CYLC1: variants seen among roughly 807,000 people sequenced by gnomAD.
The protein encoded by CYLC1 is cylicin-1.
A neutral mutation model predicts 31.6 loss-of-function variants in CYLC1; 2 were observed. The ratio of observed to expected loss-of-function variants is 0.06; its 90% CI spans 0.03 to 0.20. The LOEUF (loss-of-function observed/expected upper bound fraction) is 0.20. CYLC1 is among the 10% of genes least tolerant of loss of function. The pLI is 1.00. For missense variants in CYLC1, 595 were observed against 424.1 expected (o/e 1.40, Z -3.54); for synonymous variants, 185 against 153.0 (o/e 1.21, Z -1.54).
At position 83,873,251 on chromosome X, in the gene CYLC1, T is replaced by G. The variant is rs1225664468; in HGVS notation, c.543T>G (p.Thr181=). 8.3e-7 allele frequency: 1 copy of G among 1,198,264 alleles called. No individual in the cohort carries two copies. Among genetic ancestry groups the G allele is most frequent in the East Asian group, 3.0e-5 (1 of 33,724 alleles). The change falls in exon 4 of 5, where the codon ACT becomes ACG. Residue 181 remains threonine (T), a synonymous_variant. Coordinates refer to ENST00000329312, the MANE Select transcript of CYLC1 (RefSeq NM_021118.3). ...QSKKSKSSSE[T]NPESQNSKTV... ...AGAAGTCAAAATCCAGTTCAGAAAC[T>G]AATCCAGAATCCCAAAATTCTAAGA...
intron 4 of CYLC1, among the ~76,000 whole-genome samples, chrX:83,885,646 G>A (rs950489796): frequency 9.2e-6 from 1 of 108,899 alleles, no homozygotes; most frequent in African/African-American, 3.3e-5. Context: ...TTTCCTCTGG[G>A]CCTATATGGG....
At chrX:83,880,608 T>C (rs2031894582) in intron 4 of CYLC1, among the ~76,000 whole-genome samples, 1 of 111,632 alleles carries the variant, frequency 9.0e-6, no homozygotes, top group African/African-American at 3.2e-5. Flanking sequence ...AAATATTAAG[T>C]GATTTCTTTC....
intron 4 of CYLC1, among the ~76,000 whole-genome samples, chrX:83,877,411 G>A (rs1180335520): frequency 4.5e-5 from 5 of 110,840 alleles, no homozygotes; most frequent in African/African-American, 1.6e-4. Context: ...ACCATGTCTG[G>A]CAGAATAAAA....
chrX:83,869,782 A>G (rs1416901007), intron 1 of CYLC1, 83 bp from the exon 2 acceptor site: 2 of 460,365 alleles, frequency 4.3e-6, no homozygotes, highest in East Asian at 1.4e-4. Flanking sequence ...TTAGAAATAA[A>G]GGATAGATTA....
In CYLC1 at chrX:83,873,239, C is replaced by T. The variant is rs899619640; in HGVS notation, c.531C>T (p.Ser177=). The change falls in exon 4 of 5, where the codon TCC becomes TCT. Residue 177 remains serine (S), a synonymous_variant. Coordinates refer to ENST00000329312, the MANE Select transcript of CYLC1 (RefSeq NM_021118.3). ...HENEQSKKSK[S]SSETNPESQN... ...ATGAACAATCCAAGAAGTCAAAATCCAGTTCAGAAACTAATCCAGAATCCC... is the reference window on the plus strand; with the variant it reads ...ATGAACAATCCAAGAAGTCAAAATCTAGTTCAGAAACTAATCCAGAATCCC... 1 of 1,197,576 alleles carries T rather than the reference C, an allele frequency of 8.4e-7. No individual in the cohort carries two copies. Among genetic ancestry groups the T allele is most frequent in the African/African-American group, 1.8e-5 (1 of 56,400 alleles).
In CYLC1 at chrX:83,874,378, A is replaced by G. The variant is rs763148141; in HGVS notation, c.1670A>G (p.Lys557Arg). 2.5e-6 allele frequency: 3 copies of G among 1,210,554 alleles called. No individual in the cohort carries two copies. Among genetic ancestry groups the G allele is most frequent in the Non-Finnish European group, 3.4e-6 (3 of 894,800 alleles). ...ESLYKPGAKK[K>R]IDESDGTSAN... The stretch of plus-strand genomic sequence containing the variant: ...CTATATAAACCTGGGGCTAAGAAGA[A>G]AATTGATGAATCAGATGGCACATCT... The change falls in exon 4 of 5, where the codon AAA (lysine) becomes AGA (arginine). Residue 557 changes from lysine to arginine, a missense_variant. By Grantham distance (26) the Lys-to-Arg change is conservative. Transcript: ENST00000329312.
At chrX:83,876,024 T>A (rs747326508) in intron 4 of CYLC1, among the ~76,000 whole-genome samples, 1 of 111,055 alleles carries the variant, frequency 9.0e-6, no homozygotes, top group African/African-American at 3.3e-5. Flanking sequence ...CTCAAGAAAT[T>A]TATATTTCCT....
At position 83,874,007 on chromosome X, in the gene CYLC1, T is replaced by C. The variant is rs142758217; in HGVS notation, c.1299T>C (p.Asn433=). The change falls in exon 4 of 5, where the codon AAT becomes AAC. Residue 433 remains asparagine (N), a synonymous_variant. Transcript: ENST00000329312. ...KKDKKDSKTD[N]KKSVKNDEES... ...ATAAAAAAGATTCAAAGACAGATAA[T>C]AAAAAGTCTGTCAAGAATGATGAAG... The C allele has an allele frequency of 1.6e-5, 19 of 1,185,692 alleles. No individual in the cohort carries two copies. The African/African-American group carries it at 3.3e-4, about 20-fold the overall frequency.
chrX:83,873,386 G>T lies in CYLC1; in HGVS notation c.678G>T (p.Arg226Ser). ...ACAATCCAAAGAAAGATTTGAAGAG[G>T]TCAAAGACTAGTAATGATCCCATAT... ...TKNNPKKDLK[R>S]SKTSNDPISE... Residue 226 changes from arginine (R) to serine (S), a missense_variant, in exon 4 of 5, where the codon AGG (arginine) becomes AGT (serine). Physicochemically the swap from Arg to Ser is moderately radical, Grantham distance 110. Coordinates refer to ENST00000329312, the MANE Select transcript of CYLC1 (RefSeq NM_021118.3). 8.3e-7 allele frequency: 1 copy of T among 1,203,934 alleles called. No individual in the cohort carries two copies. The highest frequency in any genetic ancestry group is 1.1e-6 in the Non-Finnish European group (1 of 890,608).
rs140430565 is a variant in CYLC1 at position 83,862,223 on chromosome X, A to G, written c.17+1024A>G. 5.1e-3 allele frequency among the ~76,000 whole-genome samples: 566 copies of G among 111,328 alleles called. 6 individuals carry two copies. Among genetic ancestry groups the G allele is most frequent in the African/African-American group, 0.017 (537 of 30,689 alleles). ...ATTACTTTTAGAAAATGAAAATTCAATAAGTTTGAAAGAAAGAAAAAGAGT... is the reference window on the plus strand; with the variant it reads ...ATTACTTTTAGAAAATGAAAATTCAGTAAGTTTGAAAGAAAGAAAAAGAGT... On this transcript the variant is annotated intron_variant, in intron 1 of 4. Coordinates refer to ENST00000329312, the MANE Select transcript of CYLC1 (RefSeq NM_021118.3).
rs775109040 is a variant in CYLC1, at chrX:83,861,167, C to T, written c.-16C>T. On this transcript the variant is annotated 5_prime_UTR_variant, in exon 1 of 5. It adds an upstream start codon to the 5' untranslated region. Coordinates refer to ENST00000329312, the MANE Select transcript of CYLC1 (RefSeq NM_021118.3). Reference sequence around the variant, plus strand: ...ACTTACTATGCTCAAGTCCAGGCAACGTACAGGCAGGGGAAATGTCTCTTC... The same window carrying T: ...ACTTACTATGCTCAAGTCCAGGCAATGTACAGGCAGGGGAAATGTCTCTTC... 1.2e-4 allele frequency: 140 copies of T among 1,196,824 alleles called. No homozygotes were observed. Among genetic ancestry groups the T allele is most frequent in the South Asian group, 1.6e-4 (9 of 54,910 alleles).
Position 83,873,963 on chromosome X carries a change from C to A in CYLC1, c.1255C>A (p.Gln419Lys). ...ATCTGAACTGGAGTCAAAGGAGAGT[C>A]AGAAAGATGAAAAAAAGGATAAAAA... ...SESELESKES[Q>K]KDEKKDKKDS... is the part of the protein sequence containing the mutation. Residue 419 changes from glutamine to lysine, a missense_variant, in exon 4 of 5, where the codon CAG becomes AAG. Gln to Lys is a moderately conservative substitution (Grantham distance 53). Transcript: ENST00000329312. 8.5e-7 allele frequency: 1 copy of A among 1,172,232 alleles called. No individual in the cohort carries two copies. Among genetic ancestry groups the A allele is most frequent in the Non-Finnish European group, 1.1e-6 (1 of 874,434 alleles).
intron 1 of CYLC1, among the ~76,000 whole-genome samples, chrX:83,869,624 G>A (rs1487530862): frequency 9.0e-6 from 1 of 110,598 alleles, no homozygotes; most frequent in African/African-American, 3.3e-5. Flanking sequence ...AGATTAATAC[G>A]AATTAAAGGT....
chrX:83,882,202 C>T (rs1392812786), intron 4 of CYLC1, among the ~76,000 whole-genome samples: 1 of 110,909 alleles, frequency 9.0e-6, no homozygotes, highest in Non-Finnish European at 1.9e-5. Context: ...ATGACTACTT[C>T]TCAATTTTAC....
chrX:83,866,821 C>A (rs987331077), intron 1 of CYLC1, among the ~76,000 whole-genome samples: 1 of 111,385 alleles, frequency 9.0e-6, no homozygotes, highest in African/African-American at 3.3e-5. Flanking sequence ...CTTAATTTAT[C>A]ATCTTTTAAA....
At chrX:83,863,838 A>G (rs1055633911) in intron 1 of CYLC1, among the ~76,000 whole-genome samples, 3 of 111,828 alleles carry the variant, frequency 2.7e-5, no homozygotes, top group Admixed American at 1.9e-4. Context: ...AGAAACTACC[A>G]GAAACTGATT....
At chrX:83,875,435 A>G (rs2031744366) in intron 4 of CYLC1, among the ~76,000 whole-genome samples, 1 of 111,591 alleles carries the variant, frequency 9.0e-6, no homozygotes, top group Non-Finnish European at 1.9e-5. Flanking sequence ...CAGAAGAAAG[A>G]GGTTTAATTA....
In CYLC1 at chrX:83,886,672, C is replaced by G. The variant is rs1035600173; in HGVS notation, c.*88C>G. ...AATGAGCATTTCTACCTCTGTGGAA[C>G]TGAAATAAAAACAAGTCTTCCATGA... On this transcript the variant is annotated 3_prime_UTR_variant, in exon 5 of 5. Coordinates refer to ENST00000329312, the MANE Select transcript of CYLC1 (RefSeq NM_021118.3). 44 of 827,048 alleles carry G rather than the reference C, an allele frequency of 5.3e-5. No homozygotes were observed. The highest frequency in any genetic ancestry group is 6.5e-5 in the Non-Finnish European group (37 of 565,315). 68.2% of individuals were successfully genotyped at this position (827,048 alleles called of 1,213,427 possible).
intron 4 of CYLC1, among the ~76,000 whole-genome samples, chrX:83,878,443 A>G (rs1206685231): frequency 1.5e-5 from 1 of 65,741 alleles, no homozygotes; most frequent in Admixed American, 2.8e-4. Context: ...AAATATATAT[A>G]AATATATATA....
Sources: allele counts gnomAD v4.1 joint callset (sites outside exome capture counted in the v4.1 genomes callset), GRCh38; gene constraint gnomAD v4.1.1; transcripts MANE v1.5; gene names NCBI Gene and HGNC (gene_info 2026-07-23, HGNC 2026-07-21).